The following PRELID2 variants were observed in gnomAD, a reference collection of about 807,000 sequenced individuals.
PRELID2 encodes the protein PRELI domain containing 2, also known as PRELI domain-containing protein 2.
Under a neutral mutation model 28.4 loss-of-function variants are expected in PRELID2, and 25 were observed. The ratio of observed to expected loss-of-function variants is 0.88; its 90% CI spans 0.64 to 1.23. The LOEUF (loss-of-function observed/expected upper bound fraction) is 1.23, where lower values mean the gene tolerates loss of function less well. Among genes scored for constraint, PRELID2 ranks in the 50% most tolerant of loss-of-function variants. The pLI is 0.00. For missense variants in PRELID2, 201 were observed against 214.4 expected, an observed-to-expected ratio of 0.94 and a Z score of 0.39; for synonymous variants, 76 against 71.6, an observed-to-expected ratio of 1.06 and a Z score of -0.31.
At chr5:145,269,975 C>T in the PRELID2 span, among the ~76,000 whole-genome samples, 1 of 150,502 alleles carries the variant, frequency 6.6e-6, no homozygotes, top group African/African-American at 2.4e-5. Flanking sequence ...ACATAAATGG[C>T]TTATGAGCAC....
the PRELID2 span, among the ~76,000 whole-genome samples, chr5:145,236,534 T>C: frequency 6.6e-6 from 1 of 152,278 alleles, no homozygotes; most frequent in South Asian, 2.1e-4. Context: ...ACTTTAGGTC[T>C]ACGATCTAAG....
chr5:145,639,967 A>G (rs557077534), intron 1 of PRELID2, among the ~76,000 whole-genome samples: 5 of 152,240 alleles, frequency 3.3e-5, no homozygotes, highest in Admixed American at 3.3e-4. Flanking sequence ...TTCAGTTTTG[A>G]ACAGGCCCCA....
intron 1 of PRELID2, among the ~76,000 whole-genome samples, chr5:145,483,170 G>A (rs1266889313): frequency 1.3e-5 from 2 of 152,090 alleles, no homozygotes; most frequent in African/African-American, 2.4e-5. Context: ...CACCCTGTAC[G>A]ATGTGACTTT....
chr5:145,496,574 C>A (rs369841560), intron 1 of PRELID2, among the ~76,000 whole-genome samples: 23 of 152,098 alleles, frequency 1.5e-4, no homozygotes, highest in African/African-American at 5.3e-4. Flanking sequence ...TGGACTACAC[C>A]CAGCCAATGA....
intron 1 of PRELID2, among the ~76,000 whole-genome samples, chr5:145,654,121 C>G (rs1022046683): frequency 2.6e-5 from 4 of 152,138 alleles, no homozygotes; most frequent in Non-Finnish European, 5.9e-5. Flanking sequence ...CTATAAACAC[C>G]TCTACGCAAA....
chr5:145,253,911 T>C, the PRELID2 span, among the ~76,000 whole-genome samples: 2 of 152,078 alleles, frequency 1.3e-5, no homozygotes, highest in Admixed American at 6.6e-5. Context: ...GTTTGTATGA[T>C]CTTAGAGAAA....
chr5:145,595,631 C>T (rs987559624), intron 1 of PRELID2, among the ~76,000 whole-genome samples: 1 of 151,994 alleles, frequency 6.6e-6, no homozygotes, highest in African/African-American at 2.4e-5. Context: ...AAACTTCAGA[C>T]TACTGAAACC....
the PRELID2 span, among the ~76,000 whole-genome samples, chr5:145,435,740 A>C: frequency 2.0e-5 from 3 of 152,264 alleles, no homozygotes; most frequent in South Asian, 2.1e-4. Context: ...GGAAATAATC[A>C]CACCAATTTA....
At chr5:145,513,816 C>T (rs1234645999) in intron 1 of PRELID2, among the ~76,000 whole-genome samples, 3 of 152,088 alleles carry the variant, frequency 2.0e-5, no homozygotes, top group Admixed American at 6.6e-5. Flanking sequence ...ACCCTACAAG[C>T]CAGGAGAGAG....
In PRELID2 at chr5:145,617,921, T is replaced by C. The variant is rs188750337; in HGVS notation, n.71-144606A>G. 3.6e-3 allele frequency among the ~76,000 whole-genome samples: 543 copies of C among 152,096 alleles called. 4 individuals are homozygous for C. Among genetic ancestry groups the C allele is most frequent in the African/African-American group, 0.013 (524 of 41,496 alleles). On this transcript the variant is annotated intron_variant and non_coding_transcript_variant, in intron 1 of 2. Coordinates refer to the PRELID2 transcript ENST00000510259. ...GCTAATTTTGTATTTTTAGTAGAGATGGGGTTTCACTATATTGGTCAGGCT... is the reference window on the plus strand; with the variant it reads ...GCTAATTTTGTATTTTTAGTAGAGACGGGGTTTCACTATATTGGTCAGGCT...
the PRELID2 span, among the ~76,000 whole-genome samples, chr5:145,249,918 CCTCTCTCTCTCTCTCTCTGT>C: frequency 1.4e-5 from 2 of 139,840 alleles, no homozygotes; most frequent in South Asian, 4.6e-4. Flanking sequence ...CATGCCTCTC[CCTCTCTCTCTCTCTCTCTGT>C]CTCTCTCTCT....
At chr5:145,515,672 G>A (rs1218304647) in intron 1 of PRELID2, among the ~76,000 whole-genome samples, 1 of 151,990 alleles carries the variant, frequency 6.6e-6, no homozygotes, top group East Asian at 1.9e-4. Flanking sequence ...TACCAAACTT[G>A]GCAGAGACAA....
In PRELID2 at chr5:145,777,820, AG is replaced by A. The variant is rs923339269; in HGVS notation, c.475-12821del. Among the ~76,000 whole-genome samples, 46 of 152,270 alleles carry A rather than the reference AG, an allele frequency of 3.0e-4. 1 individual carries two copies. The highest frequency in any genetic ancestry group is 2.9e-3 in the Admixed American group (44 of 15,298). On this transcript the variant is annotated intron_variant, in intron 5 of 6. Transcript: ENST00000683046. The stretch of plus-strand genomic sequence containing the variant: ...AGGCTTCCCTACACTCTTGGGGGCC[AG>A]GGGGTGGGAAGGGCCCCTGTGCACT...
chr5:145,446,922 T>G, the PRELID2 span, among the ~76,000 whole-genome samples: 2 of 151,730 alleles, frequency 1.3e-5, no homozygotes, highest in African/African-American at 2.4e-5. Flanking sequence ...GGTGCATGCC[T>G]GTAGTAATCC....
intron 1 of PRELID2, among the ~76,000 whole-genome samples, chr5:145,609,775 G>T (rs1051611652): frequency 1.3e-5 from 2 of 152,226 alleles, no homozygotes; most frequent in African/African-American, 4.8e-5. Context: ...GGCATTTCCT[G>T]CCTGGCTACC....
chr5:145,301,542 GTC>G, the PRELID2 span, among the ~76,000 whole-genome samples: 1 of 151,930 alleles, frequency 6.6e-6, no homozygotes, highest in Non-Finnish European at 1.5e-5. Flanking sequence ...TTCTTTTATG[GTC>G]TGTGCTTTCA....
At chr5:145,425,532 A>T in the PRELID2 span, among the ~76,000 whole-genome samples, 1 of 152,232 alleles carries the variant, frequency 6.6e-6, no homozygotes, top group African/African-American at 2.4e-5. Context: ...TAGACTGAAT[A>T]CACAAAGTGT....
chr5:145,674,094 G>A (rs1458747752), intron 1 of PRELID2, among the ~76,000 whole-genome samples: 1 of 152,090 alleles, frequency 6.6e-6, no homozygotes, highest in Non-Finnish European at 1.5e-5. Flanking sequence ...GAAATAGGAG[G>A]GGGGATCCTA....
Position 145,759,115 on chromosome 5 carries a change from C to G in PRELID2, c.*1421G>C, listed in dbSNP as rs1211107933. On this transcript the variant is annotated 3_prime_UTR_variant, in exon 7 of 7. Coordinates refer to ENST00000683046, the MANE Select transcript of PRELID2 (RefSeq NM_205846.3). The stretch of plus-strand genomic sequence containing the variant: ...TCCTGAGTTCAAGCAATTCTCCTGC[C>G]TCAGACTCCCAAGTAGCTAGGATTA... The G allele has an allele frequency of 6.6e-6, 1 of 151,554 alleles. No homozygotes were observed. The highest frequency in any genetic ancestry group is 2.0e-4 in the East Asian group (1 of 5,118). 9.4% of individuals were successfully genotyped at this position (151,554 alleles called of 1,614,324 possible).
Sources: gnomAD v4.1 joint callset for allele counts (sites outside exome capture counted in the v4.1 genomes callset) on GRCh38, gnomAD v4.1.1 for gene constraint, MANE v1.5 for transcripts, NCBI Gene and HGNC (gene_info 2026-07-23, HGNC 2026-07-21) for gene names.